Variants in TMC8 observed in about 807,000 individuals in gnomAD.
TMC8 encodes the protein transmembrane channel-like protein 8.
TMC8 carries 71 observed loss-of-function variants against 76.0 expected under a neutral mutation model. The observed-to-expected ratio is 0.93, with a 90% CI of 0.77 to 1.14. The LOEUF is 1.14. TMC8 is among the 50% of genes most tolerant of loss of function. The probability of loss-of-function intolerance (pLI) is 0.00; values close to 1 mark genes in which losing one functional copy is unlikely to be tolerated. For missense variants in TMC8, 924 were observed against 947.9 expected, an observed-to-expected ratio of 0.97 and a Z score of 0.33; for synonymous variants, 433 against 433.8, an observed-to-expected ratio of 1.00 and a Z score of 0.02.
rs369764 is a variant in TMC8, at chr17:78,141,117, T to C, written c.*5T>C. ...CCCAGCGGCGCGGAGCTGTAACCCC[T>C]ACCCCTGCCTCCCCGAAGCCTCCCT... On this transcript the variant is annotated 3_prime_UTR_variant, in exon 16 of 16. Transcript: ENST00000318430. The C allele has an allele frequency of 3.2e-6, 5 of 1,548,124 alleles. No homozygotes were observed. The highest frequency in any genetic ancestry group is 4.3e-6 in the Non-Finnish European group (5 of 1,154,744).
intron 15 of TMC8, among the ~76,000 whole-genome samples, chr17:78,139,446 A>C (rs778666542): frequency 6.6e-6 from 1 of 152,162 alleles, no homozygotes. Flanking sequence ...TGGTAAGTAC[A>C]TGACCTTAGG....
At chr17:78,137,050 C>T (rs1288885216) in intron 9 of TMC8, 185 bp from the exon 10 acceptor site, 6 of 800,892 alleles carry the variant, frequency 7.5e-6, no homozygotes, top group African/African-American at 1.7e-5. Context: ...TCCCATGAAT[C>T]GCCTGGAGAC....
At chr17:78,133,359 A>G (rs1456619740) in intron 5 of TMC8, 47 bp from the exon 6 acceptor site, 1 of 1,613,244 alleles carries the variant, frequency 6.2e-7, no homozygotes, top group Admixed American at 1.7e-5. Flanking sequence ...GCACTTGAGC[A>G]GAGCCTGGTG....
In TMC8 at chr17:78,141,304, A is replaced by C; in HGVS notation, c.*192A>C. On this transcript the variant is annotated 3_prime_UTR_variant, in exon 16 of 16. Coordinates refer to ENST00000318430, the MANE Select transcript of TMC8 (RefSeq NM_152468.5). ...AATTTTCTTTCTATATTTTAATCTC[A>C]TCCCTTTAAAATGTCTATTTTTTAT... 7.4e-6 allele frequency: 3 copies of C among 406,550 alleles called. No homozygotes were observed. Among genetic ancestry groups the C allele is most frequent in the East Asian group, 3.5e-5 (1 of 28,276 alleles). The allele number at this position is 406,550 out of a possible 1,614,324, so 25.2% of individuals were successfully genotyped here.
At position 78,141,802 on chromosome 17, in the gene TMC8, C is replaced by G. The variant is rs1276657186; in HGVS notation, c.*690C>G. The stretch of plus-strand genomic sequence containing the variant: ...TCAGCCTCTCCCTGGCGGGAATCCT[C>G]TCCGTCCAGTCTTCTAACCTAGCAG... On this transcript the variant is annotated 3_prime_UTR_variant, in exon 16 of 16. Transcript: ENST00000318430. 6.6e-6 allele frequency: 1 copy of G among 152,304 alleles called. No homozygotes were observed. Among genetic ancestry groups the G allele is most frequent in the Admixed American group, 6.5e-5 (1 of 15,290 alleles). 9.4% of individuals were successfully genotyped at this position (152,304 alleles called of 1,614,324 possible).
At chr17:78,135,989 T>A (rs564752564) in intron 9 of TMC8, among the ~76,000 whole-genome samples, 2 of 152,218 alleles carry the variant, frequency 1.3e-5, no homozygotes, top group Admixed American at 6.5e-5. Context: ...AGGAGACAGA[T>A]GTTGCAGTGA....
At chr17:78,137,104 A>G in intron 9 of TMC8, 131 bp from the exon 10 acceptor site, 2 of 1,411,206 alleles carry the variant, frequency 1.4e-6, no homozygotes, top group Non-Finnish European at 1.9e-6. Flanking sequence ...CCACAGACAG[A>G]GCAGGTTGGA....
chr17:78,132,459 G>A lies in TMC8; in HGVS notation c.399G>A (p.Leu133=), dbSNP rs867727373. Residue 133 remains leucine (L), a synonymous_variant, in exon 4 of 16, where the codon CTG becomes CTA. Coordinates refer to ENST00000318430, the MANE Select transcript of TMC8 (RefSeq NM_152468.5). ...TGCTCACCGCAAGCTTCGTGCTGCT[G>A]CCCCTGGTCTGGCTCCGCCCCCCTG... The part of the protein sequence containing the change: ...SLLLTASFVL[L]PLVWLRPPDP... 2 of 1,612,360 alleles carry A rather than the reference G, an allele frequency of 1.2e-6. No homozygotes were observed. The highest frequency in any genetic ancestry group is 2.7e-5 in the African/African-American group (2 of 75,050).
chr17:78,138,334 T>C lies in TMC8; in HGVS notation c.1534-15T>C. On this transcript the variant is annotated splice_polypyrimidine_tract_variant and intron_variant, in intron 12 of 15. Transcript: ENST00000318430. ...TAACTCGCTGACTCCTGGTTGCTAT[T>C]GCTTGCGCCCCCAGTACACCCTCCT... 1 of 1,610,728 alleles carries C rather than the reference T, an allele frequency of 6.2e-7. No individual in the cohort carries two copies.
intron 6 of TMC8, 51 bp downstream of exon 6, chr17:78,133,593 T>C: frequency 4.4e-6 from 7 of 1,603,038 alleles, no homozygotes; most frequent in Non-Finnish European, 5.9e-6. Context: ...TCTTCCCTGA[T>C]CACCCCTTCC....
chr17:78,134,687 C>T lies in TMC8; in HGVS notation c.987+123C>T, dbSNP rs1030458021. 107 of 1,516,636 alleles carry T rather than the reference C, an allele frequency of 7.1e-5. No homozygotes were observed. The African/African-American group carries it at 1.2e-3, about 17-fold the overall frequency. 93.9% of individuals were successfully genotyped at this position (1,516,636 alleles called of 1,614,324 possible). On this transcript the variant is annotated intron_variant, in intron 8 of 15. Coordinates refer to ENST00000318430, the MANE Select transcript of TMC8 (RefSeq NM_152468.5). The stretch of plus-strand genomic sequence containing the variant: ...TTCAATCGGTCGTGGCCACAGGTCA[C>T]GGCCAAGGCAGGCGGGCTCCCACTG...
At position 78,134,378 on chromosome 17, in the gene TMC8, C is replaced by T; in HGVS notation, c.817-16C>T. The T allele has an allele frequency of 1.9e-6, 3 of 1,608,372 alleles. No homozygotes were observed. The highest frequency in any genetic ancestry group is 2.5e-6 in the Non-Finnish European group (3 of 1,179,914). On this transcript the variant is annotated splice_polypyrimidine_tract_variant and intron_variant, in intron 7 of 15. Transcript: ENST00000318430. Reference sequence around the variant, plus strand: ...ACCCCGCCTGCAGCTGCCTCTGTCCCCACCCTTCCGGGCAGGTGGAGCTGG... The same window carrying T: ...ACCCCGCCTGCAGCTGCCTCTGTCCTCACCCTTCCGGGCAGGTGGAGCTGG...
In TMC8 at chr17:78,131,679, G is replaced by A. The variant is rs767843139; in HGVS notation, c.91G>A (p.Gly31Ser). Residue 31 changes from glycine (G) to serine (S), a missense_variant, in exon 2 of 16, where the codon GGC (glycine) becomes AGC (serine). By Grantham distance (56) the Gly-to-Ser change is moderately conservative. Transcript: ENST00000318430. The part of the protein sequence containing the change: ...LWEAEMERLR[G>S]SGTPVRGLPY... ...GGAGGCAGAGATGGAGCGGCTGCGCGGCTCTGGGACGCCCGTGCGCGGGCT... is the reference window on the plus strand; with the variant it reads ...GGAGGCAGAGATGGAGCGGCTGCGCAGCTCTGGGACGCCCGTGCGCGGGCT... 25 of 1,574,730 alleles carry A rather than the reference G, an allele frequency of 1.6e-5. No homozygotes were observed. The highest frequency in any genetic ancestry group is 2.1e-5 in the Non-Finnish European group (24 of 1,161,768).
intron 10 of TMC8, 76 bp from the exon 11 acceptor site, chr17:78,137,641 C>A (rs1314818233): frequency 2.9e-6 from 4 of 1,365,114 alleles, no homozygotes; most frequent in Non-Finnish European, 4.2e-6. Context: ...ACCACAGAAA[C>A]CCTCACAGGA....
At position 78,137,348 on chromosome 17, in the gene TMC8, G is replaced by T; in HGVS notation, c.1241G>T (p.Cys414Phe). Reference sequence around the variant, plus strand: ...TGTGAGTCCTACGGCTACAACGTTTGTGACTATCAGGTGGCTGGCAGCCCG... The same window carrying T: ...TGTGAGTCCTACGGCTACAACGTTTTTGACTATCAGGTGGCTGGCAGCCCG... ...SSCESYGYNVCDYQCWENSVG... is the reference protein window; with the variant it reads ...SSCESYGYNVFDYQCWENSVG... Residue 414 changes from cysteine to phenylalanine, a missense_variant, in exon 10 of 16, where the codon TGT (cysteine) becomes TTT (phenylalanine). Cys to Phe is a radical substitution (Grantham distance 205). Coordinates refer to ENST00000318430, the MANE Select transcript of TMC8 (RefSeq NM_152468.5). 6.2e-7 allele frequency: 1 copy of T among 1,613,950 alleles called. No individual in the cohort carries two copies. The highest frequency in any genetic ancestry group is 1.7e-5 in the Admixed American group (1 of 60,018).
intron 10 of TMC8, 36 bp from the exon 11 acceptor site, chr17:78,137,681 G>A (rs373018672): frequency 4.5e-5 from 71 of 1,576,974 alleles, no homozygotes; most frequent in African/African-American, 1.9e-4. Context: ...CGGGGTGGCC[G>A]TGAGTGGTGA....
chr17:78,134,058 C>T (rs963193032), intron 7 of TMC8, 58 bp downstream of exon 7: 24 of 1,609,974 alleles, frequency 1.5e-5, no homozygotes, highest in Admixed American at 1.0e-4. Context: ...GGAGCGAGTG[C>T]GTGAGAGCCA....
intron 9 of TMC8, 152 bp downstream of exon 9, chr17:78,135,161 C>A: frequency 9.9e-7 from 1 of 1,005,168 alleles, no homozygotes; most frequent in Non-Finnish European, 1.5e-6. Context: ...CACCTCACAG[C>A]ACACGACCTC....
chr17:78,131,540 C>T lies in TMC8; in HGVS notation c.-49C>T, dbSNP rs756036670. On this transcript the variant is annotated 5_prime_UTR_variant, in exon 2 of 16. Coordinates refer to ENST00000318430, the MANE Select transcript of TMC8 (RefSeq NM_152468.5). ...GGCTCATCCAACCGGGGACTCATATCCCCCCCACCGGCAGCCCGGCGCCCC... is the reference window on the plus strand; with the variant it reads ...GGCTCATCCAACCGGGGACTCATATTCCCCCCACCGGCAGCCCGGCGCCCC... 2.6e-6 allele frequency: 4 copies of T among 1,533,716 alleles called. No individual in the cohort carries two copies. The highest frequency in any genetic ancestry group is 2.0e-5 in the Admixed American group (1 of 50,910).
Sources: allele counts gnomAD v4.1 joint callset (sites outside exome capture counted in the v4.1 genomes callset), GRCh38; gene constraint gnomAD v4.1.1; transcripts MANE v1.5; gene names NCBI Gene and HGNC (gene_info 2026-07-23, HGNC 2026-07-21).